TACC2: variants seen among roughly 807,000 people sequenced by gnomAD.
TACC2 encodes the protein transforming acidic coiled-coil-containing protein 2.
TACC2 carries 137 observed loss-of-function variants against 227.3 expected under a neutral mutation model. The observed-to-expected ratio is 0.60, with a 90% CI of 0.52 to 0.69. The LOEUF is 0.69. Ranked by LOEUF, TACC2 falls within the 30% of genes least tolerant of loss-of-function variation. The probability of loss-of-function intolerance (pLI) is 0.00; values close to 1 mark genes in which losing one functional copy is unlikely to be tolerated. For missense variants in TACC2, 3,470 were observed against 3,694.4 expected (o/e 0.94, Z 1.57); for synonymous variants, 1,523 against 1,487.5 (o/e 1.02, Z -0.55).
At chr10:122,111,730 G>A (rs901650305) in intron 5 of TACC2, among the ~76,000 whole-genome samples, 1 of 151,490 alleles carries the variant, frequency 6.6e-6, no homozygotes, top group Non-Finnish European at 1.5e-5. Context: ...TCCTGACCTC[G>A]TGATCTGTCC....
intron 1 of TACC2, among the ~76,000 whole-genome samples, chr10:121,997,975 TG>T (rs1408444025): frequency 6.6e-6 from 1 of 151,916 alleles, no homozygotes; most frequent in African/African-American, 2.4e-5. Context: ...CTTCAGGTGG[TG>T]GCAGCAAGGG....
intron 5 of TACC2, among the ~76,000 whole-genome samples, chr10:122,093,864 C>G (rs751571947): frequency 6.6e-6 from 1 of 152,186 alleles, no homozygotes; most frequent in Non-Finnish European, 1.5e-5. Context: ...TCGAAACCAT[C>G]CTGGAAATTA....
intron 7 of TACC2, among the ~76,000 whole-genome samples, chr10:122,168,356 T>C (rs149104344): frequency 2.0e-5 from 3 of 152,282 alleles, no homozygotes; most frequent in African/African-American, 7.2e-5. Context: ...CAATAGAGTT[T>C]TTTCTCCCCT....
Position 121,992,211 on chromosome 10 carries a change from A to G in TACC2, c.-46+2723A>G, listed in dbSNP as rs115191428. Among the ~76,000 whole-genome samples, 1,139 of 152,328 alleles carry G rather than the reference A, an allele frequency of 7.5e-3. 16 individuals are homozygous for G. The highest frequency in any genetic ancestry group is 0.026 in the African/African-American group (1,092 of 41,570). On this transcript the variant is annotated intron_variant, in intron 1 of 22. Coordinates refer to ENST00000369005, the MANE Select transcript of TACC2 (RefSeq NM_206862.4). ...TGGGAACAAAAGTGAGAAGTGGTAG[A>G]AAGCTGTGAAGAAGGCCCAGAACAG...
intron 5 of TACC2, among the ~76,000 whole-genome samples, chr10:122,127,982 G>T (rs993683925): frequency 6.6e-6 from 1 of 152,160 alleles, no homozygotes; most frequent in Non-Finnish European, 1.5e-5. Context: ...ATTTATGCAC[G>T]TTCTGACACT....
chr10:122,140,450 G>A (rs1216343946), intron 6 of TACC2, among the ~76,000 whole-genome samples: 1 of 152,164 alleles, frequency 6.6e-6, no homozygotes, highest in East Asian at 1.9e-4. Flanking sequence ...TTCCAATAAG[G>A]TTTGGAAAAC....
rs562767395 is a variant in TACC2, at chr10:122,141,388, C to T, written c.5700-2184C>T. 2.0e-5 allele frequency among the ~76,000 whole-genome samples: 3 copies of T among 152,186 alleles called. No homozygotes were observed. Among genetic ancestry groups the T allele is most frequent in the African/African-American group, 7.2e-5 (3 of 41,510 alleles). ...CTGTTGAGTCACACTTGTTTGATGC[C>T]TTTGGCTAACGGGACCCAGCCAGCG... On this transcript the variant is annotated intron_variant, in intron 6 of 22. Transcript: ENST00000369005. This position sits in a 1 kb window ranked among gnomAD's most constrained non-coding sequence, Gnocchi z 4.3.
chr10:122,002,344 A>AT (rs1457021954), intron 1 of TACC2, among the ~76,000 whole-genome samples: 6 of 151,802 alleles, frequency 4.0e-5, no homozygotes, highest in Non-Finnish European at 7.4e-5. Flanking sequence ...ATGGTATATT[A>AT]TTTTCTGTAT....
intron 5 of TACC2, among the ~76,000 whole-genome samples, chr10:122,111,099 G>A (rs1411134097): frequency 6.6e-6 from 1 of 152,094 alleles, no homozygotes; most frequent in African/African-American, 2.4e-5. Flanking sequence ...CCAATTAAAG[G>A]ACCTTCATGA....
chr10:122,229,618 C>G, intron 15 of TACC2, 132 bp downstream of exon 15: 1 of 1,020,074 alleles, frequency 9.8e-7, no homozygotes, highest in South Asian at 1.5e-5. Flanking sequence ...CATATCTTCC[C>G]CTCAAAGGAT....
intron 8 of TACC2, among the ~76,000 whole-genome samples, chr10:122,200,559 T>C (rs1324096629): frequency 1.6e-4 from 14 of 89,760 alleles, no homozygotes; most frequent in South Asian, 3.8e-4. Flanking sequence ...CCACAGTGGC[T>C]GCGTTCACAT....
Position 122,238,035 on chromosome 10 carries a change from G to A in TACC2, c.8346G>A (p.Met2782Ile). The change falls in exon 18 of 23, where the codon ATG (methionine) becomes ATA (isoleucine). Residue 2782 changes from methionine (M) to isoleucine (I), a missense_variant and splice_region_variant. Around this residue, in one of 10 missense-constraint regions of TACC2, gnomAD observed 65 missense variants for 119.3 expected, o/e 0.54. Coordinates refer to ENST00000369005, the MANE Select transcript of TACC2 (RefSeq NM_206862.4). ...YEESRREVME[M>I]RKIVAEYEKT... ...AAAGCAGGCGGGAAGTGATGGAAAT[G>A]AGGTCAGTTGGGGAGCTGGGCCTTC... The A allele has an allele frequency of 6.2e-7, 1 of 1,614,034 alleles. No individual in the cohort carries two copies. Among genetic ancestry groups the A allele is most frequent in the Non-Finnish European group, 8.5e-7 (1 of 1,179,900 alleles).
intron 7 of TACC2, among the ~76,000 whole-genome samples, chr10:122,158,842 T>TATTCATCATAA (rs2092651768): frequency 6.6e-6 from 1 of 152,238 alleles, no homozygotes; most frequent in African/African-American, 2.4e-5. Flanking sequence ...AACCATCTTC[T>TATTCATCATAA]GCCTTTTCTC....
At chr10:122,186,316 G>C (rs895318399) in intron 7 of TACC2, among the ~76,000 whole-genome samples, 75 of 152,030 alleles carry the variant, frequency 4.9e-4, no homozygotes, top group Admixed American at 6.6e-5. Context: ...AGCATTTTGG[G>C]AGACCGAGGC....
intron 2 of TACC2, among the ~76,000 whole-genome samples, chr10:122,047,598 C>A (rs537532067): frequency 6.6e-6 from 1 of 152,340 alleles, no homozygotes; most frequent in South Asian, 2.1e-4. Flanking sequence ...AACAGAGACG[C>A]CCTGTCCTGG....
intron 7 of TACC2, among the ~76,000 whole-genome samples, chr10:122,159,838 G>A (rs1226732346): frequency 6.6e-6 from 1 of 152,128 alleles, no homozygotes; most frequent in Non-Finnish European, 1.5e-5. Context: ...GCAGCTCGGG[G>A]TCCATTGGTG....
chr10:122,236,868 A>C (rs925877539), intron 16 of TACC2, among the ~76,000 whole-genome samples: 6 of 152,242 alleles, frequency 3.9e-5, no homozygotes, highest in African/African-American at 1.4e-4. Flanking sequence ...TGACAACTAC[A>C]GTAGGCTTTA....
chr10:122,085,634 C>T lies in TACC2; in HGVS notation c.3134C>T (p.Pro1045Leu), dbSNP rs143377886. 2.8e-3 allele frequency: 4,477 copies of T among 1,613,442 alleles called. 8 individuals are homozygous for T. Among genetic ancestry groups the T allele is most frequent in the Middle Eastern group, 3.6e-3 (22 of 6,062 alleles). Residue 1045 changes from proline to leucine, a missense_variant, in exon 4 of 23, where the codon CCT becomes CTT. Coordinates refer to ENST00000369005, the MANE Select transcript of TACC2 (RefSeq NM_206862.4). ...AGTGGAAACACAGGGGAGGCCCCACCTTGTCAGCCTGACTCAGTAGCTCTC... is the reference window on the plus strand; with the variant it reads ...AGTGGAAACACAGGGGAGGCCCCACTTTGTCAGCCTGACTCAGTAGCTCTC... ...MASGNTGEAP[P>L]CQPDSVALLD...
At chr10:122,153,153 G>A (rs558032680) in intron 7 of TACC2, among the ~76,000 whole-genome samples, 1 of 151,912 alleles carries the variant, frequency 6.6e-6, no homozygotes, top group Non-Finnish European at 1.5e-5. Flanking sequence ...AGGTCACCAC[G>A]CCCGGCTAAG....
Sources: gnomAD v4.1 joint callset for allele counts (sites outside exome capture counted in the v4.1 genomes callset) on GRCh38, gnomAD v4.1.1 for gene constraint, gnomAD v4.1.1 regional missense constraint, Gnocchi (gnomAD v3.1) non-coding constraint, MANE v1.5 for transcripts, NCBI Gene and HGNC (gene_info 2026-07-23, HGNC 2026-07-21) for gene names.